CADPS: variants seen among roughly 807,000 people sequenced by gnomAD.
The protein encoded by CADPS is calcium dependent secretion activator.
Under a neutral mutation model 167.3 loss-of-function variants are expected in CADPS, and 57 were observed. The observed-to-expected ratio is 0.34, with a 90% CI of 0.28 to 0.42. CADPS has a LOEUF of 0.42. Ranked by LOEUF, CADPS falls within the 20% of genes least tolerant of loss-of-function variation. CADPS has a pLI of 1.00. For missense variants in CADPS, 1,414 were observed against 1,738.1 expected (o/e 0.81, Z 3.32); for synonymous variants, 676 against 635.3 (o/e 1.06, Z -0.96).
At chr3:62,574,195 T>C (rs932887225) in intron 8 of CADPS, among the ~76,000 whole-genome samples, 1 of 152,158 alleles carries the variant, frequency 6.6e-6, no homozygotes, top group Non-Finnish European at 1.5e-5. Context: ...CTATGCTCCA[T>C]TCATCCCATG....
At chr3:62,839,693 C>T (rs1329354217) in intron 1 of CADPS, among the ~76,000 whole-genome samples, 1 of 152,114 alleles carries the variant, frequency 6.6e-6, no homozygotes, top group Non-Finnish European at 1.5e-5. Context: ...GGGAAGGAAA[C>T]TAATTGAGTG....
chr3:62,775,730 A>G (rs1039679437), intron 1 of CADPS, among the ~76,000 whole-genome samples: 1 of 152,218 alleles, frequency 6.6e-6, no homozygotes, highest in Non-Finnish European at 1.5e-5. Context: ...CAATCAGACA[A>G]GTCCCTTCCC....
chr3:62,398,449 T>A lies in CADPS; in HGVS notation c.*957A>T, dbSNP rs769070371. 2.6e-5 allele frequency: 4 copies of A among 152,728 alleles called. No individual in the cohort carries two copies. In the South Asian group the frequency reaches 8.3e-4, roughly 32 times the overall value. The allele number at this position is 152,728 out of a possible 1,614,324, so 9.5% of individuals were successfully genotyped here. A position where few individuals can be genotyped will look rare whatever the true frequency, so the allele number is the denominator to read the frequency against. On this transcript the variant is annotated 3_prime_UTR_variant, in exon 30 of 30. Transcript: ENST00000383710. ...CAAAAGCAAGATGGATCCACTACTT[T>A]ACATGGAAAGAAATAGCTCTGCAGC...
At chr3:62,430,392 A>C (rs1234126393) in intron 28 of CADPS, among the ~76,000 whole-genome samples, 2 of 152,192 alleles carry the variant, frequency 1.3e-5, no homozygotes, top group East Asian at 3.9e-4. Flanking sequence ...CACTCGGTTC[A>C]TCTCCTCTCA....
At chr3:62,829,430 G>C (rs1232159223) in intron 1 of CADPS, among the ~76,000 whole-genome samples, 1 of 152,094 alleles carries the variant, frequency 6.6e-6, no homozygotes, top group Non-Finnish European at 1.5e-5. Flanking sequence ...ATAGATTTTA[G>C]TATCTGCGGA....
chr3:62,526,988 G>C (rs2072415194), intron 13 of CADPS, among the ~76,000 whole-genome samples: 1 of 152,180 alleles, frequency 6.6e-6, no homozygotes, highest in African/African-American at 2.4e-5. Flanking sequence ...AAATGCTTTA[G>C]ATTCATGGTT....
intron 1 of CADPS, among the ~76,000 whole-genome samples, chr3:62,780,036 A>G (rs975179888): frequency 6.6e-6 from 1 of 152,176 alleles, no homozygotes; most frequent in African/African-American, 2.4e-5. Flanking sequence ...AGCCCCTTGT[A>G]CATAGAGTTT....
chr3:62,718,148 T>C (rs745907866), intron 3 of CADPS, among the ~76,000 whole-genome samples: 3 of 152,190 alleles, frequency 2.0e-5, no homozygotes, highest in Non-Finnish European at 4.4e-5. Flanking sequence ...TGCAATCTTA[T>C]TTCATTAGTC....
At chr3:62,513,681 A>T in intron 16 of CADPS, 1 of 1,591,024 alleles carries the variant, frequency 6.3e-7, no homozygotes, top group South Asian at 1.1e-5. Flanking sequence ...AGAAGACAGG[A>T]TGCTCATACA....
At chr3:62,847,261 CTTTTTTTTTTTT>C (rs202175985) in intron 1 of CADPS, among the ~76,000 whole-genome samples, 63 of 133,066 alleles carry the variant, frequency 4.7e-4, no homozygotes, top group African/African-American at 1.8e-3. Context: ...GCAGCATTTT[CTTTTTTTTTTTT>C]TTTTTAACTT....
intron 1 of CADPS, among the ~76,000 whole-genome samples, chr3:62,813,142 G>C (rs2152881409): frequency 6.6e-6 from 1 of 151,436 alleles, no homozygotes; most frequent in Non-Finnish European, 1.5e-5. Context: ...ATCAAAAAAG[G>C]GCCCAAATAG....
At chr3:62,442,778 T>G (rs1374187363) in intron 27 of CADPS, among the ~76,000 whole-genome samples, 1 of 152,130 alleles carries the variant, frequency 6.6e-6, no homozygotes, top group African/African-American at 2.4e-5. Context: ...ATTCACCAGG[T>G]GACCTTGGGC....
chr3:62,818,936 T>C lies in CADPS; in HGVS notation c.442-52952A>G, dbSNP rs561457729. ...AAAAAAACCCAAACACAAAAGATCA[T>C]ACATTGTATGTTTCCACTTTTATGA... On this transcript the variant is annotated intron_variant, in intron 1 of 29. Transcript: ENST00000383710. 3.9e-5 allele frequency among the ~76,000 whole-genome samples: 6 copies of C among 152,152 alleles called. No homozygotes were observed. The South Asian group carries it at 6.2e-4, about 16-fold the overall frequency.
chr3:62,730,279 T>C (rs957913717), intron 3 of CADPS, among the ~76,000 whole-genome samples: 47 of 152,280 alleles, frequency 3.1e-4, no homozygotes, highest in African/African-American at 1.1e-3. Flanking sequence ...TGTGTGACAA[T>C]GCCTGGGGAC....
chr3:62,714,901 A>G (rs1002318829), intron 3 of CADPS, among the ~76,000 whole-genome samples: 3 of 152,352 alleles, frequency 2.0e-5, no homozygotes, highest in East Asian at 3.9e-4. Flanking sequence ...AAGCTCATTC[A>G]GAGAACAATT....
At chr3:62,723,910 C>G (rs188666308) in intron 3 of CADPS, among the ~76,000 whole-genome samples, 57 of 152,280 alleles carry the variant, frequency 3.7e-4, no homozygotes, top group African/African-American at 1.4e-3. Flanking sequence ...GAGGCTTTGT[C>G]TCAGGGCCAC....
At chr3:62,467,764 C>T (rs866790337) in intron 24 of CADPS, among the ~76,000 whole-genome samples, 5 of 152,084 alleles carry the variant, frequency 3.3e-5, no homozygotes, top group African/African-American at 9.7e-5. Flanking sequence ...TTTAGCGGGT[C>T]TATGCTAGTA....
rs116341944 is a variant in CADPS, at chr3:62,869,627, G to A, written c.441+4962C>T. On this transcript the variant is annotated intron_variant, in intron 1 of 29. Transcript: ENST00000383710. Reference sequence around the variant, plus strand: ...CCCCACTTTAGTACTTCTAATCAGCGTCTTACAACTAAAACTTTCTTATTC... The same window carrying A: ...CCCCACTTTAGTACTTCTAATCAGCATCTTACAACTAAAACTTTCTTATTC... Among the ~76,000 whole-genome samples, 1,342 of 151,946 alleles carry A rather than the reference G, an allele frequency of 8.8e-3. 20 individuals carry two copies. The highest frequency in any genetic ancestry group is 0.03 in the African/African-American group (1,242 of 41,454).
chr3:62,656,749 A>G (rs2071705515), intron 4 of CADPS, among the ~76,000 whole-genome samples: 1 of 152,184 alleles, frequency 6.6e-6, no homozygotes, highest in African/African-American at 2.4e-5. Context: ...TAATTTGTCA[A>G]AATAGGCATT....
Sources: allele counts gnomAD v4.1 joint callset (sites outside exome capture counted in the v4.1 genomes callset), GRCh38; gene constraint gnomAD v4.1.1; transcripts MANE v1.5; gene names NCBI Gene and HGNC (gene_info 2026-07-23, HGNC 2026-07-21).